The following DNAH10 variants were observed in gnomAD, a reference collection of about 807,000 sequenced individuals.
DNAH10 encodes dynein axonemal heavy chain 10.
In DNAH10, 348 loss-of-function variants were observed where a neutral mutation model predicts 506.6. That is an observed-to-expected ratio of 0.69 (90% CI 0.63 to 0.75). The LOEUF (loss-of-function observed/expected upper bound fraction) is 0.75, where lower values mean the gene tolerates loss of function less well. Ranked by LOEUF, DNAH10 falls within the 30% of genes least tolerant of loss-of-function variation. The pLI is 0.00. For synonymous variants in DNAH10, 2,059 were observed against 2,198.6 expected, an observed-to-expected ratio of 0.94 and a Z score of 1.78; for missense variants, 5,179 against 5,787.1, an observed-to-expected ratio of 0.89 and a Z score of 3.41.
At chr12:123,837,743 T>C (rs900231060) in intron 28 of DNAH10, among the ~76,000 whole-genome samples, 1 of 149,130 alleles carries the variant, frequency 6.7e-6, no homozygotes, top group Non-Finnish European at 1.5e-5. Context: ...CCCGGCTAAC[T>C]TAAAAAAAAA....
At chr12:123,839,215 TAAAA>T (rs575224560) in intron 29 of DNAH10, among the ~76,000 whole-genome samples, 1 of 126,868 alleles carries the variant, frequency 7.9e-6, no homozygotes, top group South Asian at 2.6e-4. Flanking sequence ...TTTTATAAAC[TAAAA>T]AAAAAAAAAA....
chr12:123,867,818 A>G, intron 42 of DNAH10, 85 bp from the exon 43 acceptor site: 1 of 1,427,194 alleles, frequency 7.0e-7, no homozygotes, highest in South Asian at 1.3e-5. Flanking sequence ...TCGCTCTGGG[A>G]CCTGGGATCC....
chr12:123,834,813 A>G (rs1307754308), intron 27 of DNAH10, among the ~76,000 whole-genome samples: 1 of 152,200 alleles, frequency 6.6e-6, no homozygotes, highest in East Asian at 1.9e-4. Flanking sequence ...ACTTAGCGTG[A>G]TGTTTTCCAG....
Position 123,918,930 on chromosome 12 carries a change from C to G in DNAH10, c.11487C>G (p.Ile3829Met), listed in dbSNP as rs746706615. 9 of 1,612,724 alleles carry G rather than the reference C, an allele frequency of 5.6e-6. No individual in the cohort carries two copies. The highest frequency in any genetic ancestry group is 1.1e-5 in the South Asian group (1 of 90,890). The change falls in exon 65 of 79, where the codon ATC becomes ATG. Residue 3829 changes from isoleucine (I) to methionine (M), a missense_variant. Physicochemically the swap from Ile to Met is conservative, Grantham distance 10. Around this residue, in one of 3 missense-constraint regions of DNAH10, gnomAD observed 4,844 missense variants for 5,430.5 expected, o/e 0.89. Transcript: ENST00000673944. ...RNIMDTLTFS[I>M]YNHGCTGLFE... Reference sequence around the variant, plus strand: ...TCATGGACACGCTGACCTTCAGCATCTATAACCACGGCTGCACAGGTGAGC... The same window carrying G: ...TCATGGACACGCTGACCTTCAGCATGTATAACCACGGCTGCACAGGTGAGC...
intron 65 of DNAH10, among the ~76,000 whole-genome samples, chr12:123,920,344 G>T (rs538390375): frequency 6.6e-6 from 1 of 152,346 alleles, no homozygotes; most frequent in African/African-American, 2.4e-5. Flanking sequence ...GGCTTTGAAG[G>T]CTAAGTGATT....
chr12:123,879,873 G>A lies in DNAH10; in HGVS notation c.8634+72G>A, dbSNP rs58471062. 5.9e-4 allele frequency: 915 copies of A among 1,543,122 alleles called. 6 individuals carry two copies. The African/African-American group carries it at 9.3e-3, about 16-fold the overall frequency. Reference sequence around the variant, plus strand: ...ATGGGCCAAGCGGGAGCTGAGCATCGCGCGGGTGCCCGGGAGCCTATCACC... The same window carrying A: ...ATGGGCCAAGCGGGAGCTGAGCATCACGCGGGTGCCCGGGAGCCTATCACC... On this transcript the variant is annotated intron_variant, in intron 50 of 78. Coordinates refer to ENST00000673944, the MANE Select transcript of DNAH10 (RefSeq NM_001372106.1).
chr12:123,853,500 G>A lies in DNAH10; in HGVS notation c.6438+148G>A. The A allele has an allele frequency of 9.4e-7, 1 of 1,069,354 alleles. No homozygotes were observed. Among genetic ancestry groups the A allele is most frequent in the Non-Finnish European group, 1.3e-6 (1 of 780,924 alleles). 66.2% of individuals were successfully genotyped at this position (1,069,354 alleles called of 1,614,324 possible). A position where few individuals can be genotyped will look rare whatever the true frequency, so the allele number is the denominator to read the frequency against. ...TCACCCCGCGGTCTGGCCTTACTTT[G>A]GCCTCTTACCTGTTGTATCGTTTGC... On this transcript the variant is annotated intron_variant, in intron 36 of 78. Transcript: ENST00000673944. The surrounding 1 kb of genome is among the most constrained non-coding windows in gnomAD (Gnocchi z 4.7).
chr12:123,842,464 A>G (rs912657201), intron 30 of DNAH10, among the ~76,000 whole-genome samples: 3 of 152,198 alleles, frequency 2.0e-5, no homozygotes, highest in African/African-American at 7.2e-5. Context: ...AAGTTGGAGA[A>G]TATTTGGCAG....
chr12:123,829,955 C>T (rs953282572), intron 25 of DNAH10, among the ~76,000 whole-genome samples: 12 of 152,154 alleles, frequency 7.9e-5, no homozygotes, highest in African/African-American at 2.2e-4. Flanking sequence ...CCGACTGTCC[C>T]GTCTGAATGG....
intron 41 of DNAH10, among the ~76,000 whole-genome samples, 156 bp downstream of exon 41, chr12:123,866,229 CTT>C (rs71088963): frequency 1.9e-4 from 11 of 58,208 alleles, no homozygotes; most frequent in African/African-American, 6.7e-4. Context: ...GGCAGACACA[CTT>C]TTTTTTTTTT....
chr12:123,788,551 G>A (rs1293593906), intron 10 of DNAH10, among the ~76,000 whole-genome samples: 1 of 152,204 alleles, frequency 6.6e-6, no homozygotes, highest in Non-Finnish European at 1.5e-5. Flanking sequence ...TACAAAGCAG[G>A]TCCGGCTGCG....
Position 123,867,612 on chromosome 12 carries a change from A to G in DNAH10, c.7302+11A>G. ...ACAGACCTCAATATGGTAAGAAATG[A>G]TCCCTGCTGTTAGCAAAAAGAAATT... On this transcript the variant is annotated intron_variant, in intron 42 of 78. Transcript: ENST00000673944. 1 of 1,612,340 alleles carries G rather than the reference A, an allele frequency of 6.2e-7. No individual in the cohort carries two copies. The highest frequency in any genetic ancestry group is 8.5e-7 in the Non-Finnish European group (1 of 1,179,488).
intron 24 of DNAH10, among the ~76,000 whole-genome samples, chr12:123,823,834 C>G (rs534598731): frequency 2.6e-5 from 4 of 151,894 alleles, no homozygotes; most frequent in Admixed American, 6.6e-5. Context: ...CTATCAAATA[C>G]TAGGTCTTAT....
At chr12:123,849,450 C>T (rs1951077753) in intron 34 of DNAH10, among the ~76,000 whole-genome samples, 1 of 152,260 alleles carries the variant, frequency 6.6e-6, no homozygotes, top group South Asian at 2.1e-4. Context: ...TAAGCTGGAT[C>T]CAAATTTGGA....
intron 10 of DNAH10, among the ~76,000 whole-genome samples, chr12:123,789,627 G>A (rs1044729627): frequency 4.6e-5 from 7 of 152,014 alleles, no homozygotes; most frequent in Non-Finnish European, 7.4e-5. Context: ...CAAGTGATCC[G>A]CCCCCCTCAG....
rs1251697148 is a variant in DNAH10 at position 123,830,559 on chromosome 12, C to G, written c.4405C>G (p.Leu1469Val). The change falls in exon 26 of 79, where the codon CTT (leucine) becomes GTT (valine). Residue 1469 changes from leucine to valine, a missense_variant. Leu to Val is a conservative substitution (Grantham distance 32). Coordinates refer to ENST00000673944, the MANE Select transcript of DNAH10 (RefSeq NM_001372106.1). The stretch of plus-strand genomic sequence containing the variant: ...ATGTGCTTTCAGGCATTGGAAAGAA[C>G]TTATGGAAAAAACGTCTGTCTTTTT... ...EALRDRHWKELMEKTSVFFEM... is the reference protein window; with the variant it reads ...EALRDRHWKEVMEKTSVFFEM... 6.2e-7 allele frequency: 1 copy of G among 1,613,152 alleles called. No individual in the cohort carries two copies. Among genetic ancestry groups the G allele is most frequent in the Non-Finnish European group, 8.5e-7 (1 of 1,179,590 alleles).
At chr12:123,858,875 C>T (rs1039054519) in intron 37 of DNAH10, among the ~76,000 whole-genome samples, 4 of 151,956 alleles carry the variant, frequency 2.6e-5, no homozygotes, top group East Asian at 3.9e-4. Context: ...GCCCAGAATA[C>T]GCAAATCCGT....
chr12:123,838,697 C>T lies in DNAH10; in HGVS notation c.5136+8C>T, dbSNP rs539899900. ...CAGGAGCACATGATCAAGGTCAGCC[C>T]TCTGGGTGTGCAGGGGCTCCCCGTG... On this transcript the variant is annotated splice_region_variant and intron_variant, in intron 29 of 78. Transcript: ENST00000673944. The T allele has an allele frequency of 1.1e-5, 17 of 1,611,664 alleles. No homozygotes were observed. The Admixed American group carries it at 1.8e-4, about 17-fold the overall frequency.
intron 11 of DNAH10, 57 bp downstream of exon 11, chr12:123,790,178 TTAAATTTGTTGGGTTATTTAGTGA>T: frequency 6.5e-7 from 1 of 1,547,758 alleles, no homozygotes; most frequent in African/African-American, 1.4e-5. Flanking sequence ...TTTCTCTGTG[TTAAATTTGTTGGGTTATTTAGTGA>T]TGCTTAGTCT....
Sources: allele counts gnomAD v4.1 joint callset (sites outside exome capture counted in the v4.1 genomes callset), GRCh38; gene constraint gnomAD v4.1.1; regional missense constraint gnomAD v4.1.1; non-coding constraint Gnocchi (gnomAD v3.1); transcripts MANE v1.5; gene names NCBI Gene and HGNC (gene_info 2026-07-23, HGNC 2026-07-21).